The following CUX2 variants were observed in gnomAD, a reference collection of about 807,000 sequenced individuals.
CUX2 encodes the protein homeobox protein cut-like 2.
A neutral mutation model predicts 144.8 loss-of-function variants in CUX2; 40 were observed. The observed-to-expected ratio is 0.28, with a 90% CI of 0.21 to 0.36. The LOEUF (loss-of-function observed/expected upper bound fraction) is 0.36, where lower values mean the gene tolerates loss of function less well. Ranked by LOEUF, CUX2 falls within the 10% of genes least tolerant of loss-of-function variation. CUX2 has a pLI of 1.00. For synonymous variants in CUX2, 827 were observed against 875.6 expected (o/e 0.94, Z 0.98); for missense variants, 1,615 against 1,994.0 (o/e 0.81, Z 3.62).
intron 1 of CUX2, among the ~76,000 whole-genome samples, chr12:111,088,421 A>G (rs76477475): frequency 0.019 from 2,901 of 152,266 alleles, 93 homozygotes; most frequent in African/African-American, 0.066. Flanking sequence ...CATGTGAATC[A>G]GCAATTATCT....
At chr12:111,199,809 ATGGATC>A (rs1245777088) in intron 1 of CUX2, among the ~76,000 whole-genome samples, 1 of 150,276 alleles carries the variant, frequency 6.7e-6, no homozygotes, top group Non-Finnish European at 1.5e-5. Context: ...TGTTACATGT[ATGGATC>A]TCTGTGTGTC....
rs1414374789 is a variant in CUX2, at chr12:111,160,639, G to T, written c.64-53561G>T. ...CTGGGTTTTTGTCTCCATGTCCAGG[G>T]AGCCAATGGAGGGCTATGCAGAGGA... is the stretch of plus-strand genomic sequence containing the variant. On this transcript the variant is annotated intron_variant, in intron 1 of 21. Coordinates refer to ENST00000261726, the MANE Select transcript of CUX2 (RefSeq NM_015267.4). This position sits in a 1 kb window ranked among gnomAD's most constrained non-coding sequence, Gnocchi z 4.1. 6.6e-6 allele frequency among the ~76,000 whole-genome samples: 1 copy of T among 152,152 alleles called. No individual in the cohort carries two copies. Among genetic ancestry groups the T allele is most frequent in the African/African-American group, 2.4e-5 (1 of 41,428 alleles).
At chr12:111,192,543 G>A (rs1191639424) in intron 1 of CUX2, among the ~76,000 whole-genome samples, 1 of 152,044 alleles carries the variant, frequency 6.6e-6, no homozygotes, top group African/African-American at 2.4e-5. Context: ...ATCTTCATCA[G>A]GTGTGGCTGC....
At chr12:111,128,357 C>T (rs945164091) in intron 1 of CUX2, among the ~76,000 whole-genome samples, 2 of 152,166 alleles carry the variant, frequency 1.3e-5, no homozygotes, top group African/African-American at 4.8e-5. Context: ...GGAGAACCAT[C>T]TGTAAACCAG....
At chr12:111,284,611 G>A (rs780306530) in intron 4 of CUX2, among the ~76,000 whole-genome samples, 15 of 152,262 alleles carry the variant, frequency 9.9e-5, no homozygotes, top group South Asian at 2.1e-4. Flanking sequence ...TTTACAGAAG[G>A]GAAAACTGAA....
At chr12:111,140,547 C>T (rs1876243880) in intron 1 of CUX2, among the ~76,000 whole-genome samples, 1 of 152,298 alleles carries the variant, frequency 6.6e-6, no homozygotes, top group African/African-American at 2.4e-5. Context: ...CTGGGTGCAT[C>T]CTCCTCTTTT....
At chr12:111,112,056 C>T (rs1172945338) in intron 1 of CUX2, among the ~76,000 whole-genome samples, 2 of 151,964 alleles carry the variant, frequency 1.3e-5, no homozygotes, top group Non-Finnish European at 2.9e-5. Flanking sequence ...GAGGCCTGGG[C>T]GGGATATTCT....
In CUX2 at chr12:111,295,800, G is replaced by T. The variant is rs1390859095; in HGVS notation, c.637+391G>T. On this transcript the variant is annotated intron_variant, in intron 7 of 21. Coordinates refer to ENST00000261726, the MANE Select transcript of CUX2 (RefSeq NM_015267.4). The surrounding 1 kb of genome is among the most constrained non-coding windows in gnomAD (Gnocchi z 5.0). ...TTAATTTAATACAACCCCTGCAGGG[G>T]CCAAAACGCTACCAAGCCACCGACT... Among the ~76,000 whole-genome samples, 1 of 149,638 alleles carries T rather than the reference G, an allele frequency of 6.7e-6. No individual in the cohort carries two copies. The highest frequency in any genetic ancestry group is 1.5e-5 in the Non-Finnish European group (1 of 67,974).
rs1405138576 is a variant in CUX2, at chr12:111,095,481, G to C, written c.63+61241G>C. Among the ~76,000 whole-genome samples, 3 of 151,908 alleles carry C rather than the reference G, an allele frequency of 2.0e-5. No homozygotes were observed. The East Asian group carries it at 5.8e-4, about 29-fold the overall frequency. The stretch of plus-strand genomic sequence containing the variant: ...CTCAAAGAAAAAAAAATGGATGAAG[G>C]TTAGATACTCTTGGTATCAAATTCC... On this transcript the variant is annotated intron_variant, in intron 1 of 21. Coordinates refer to ENST00000261726, the MANE Select transcript of CUX2 (RefSeq NM_015267.4).
intron 1 of CUX2, among the ~76,000 whole-genome samples, chr12:111,074,110 C>T (rs1446089762): frequency 6.6e-6 from 1 of 151,194 alleles, no homozygotes; most frequent in East Asian, 1.9e-4. Context: ...TGAAATGTGT[C>T]TGGGTGTCCT....
At chr12:111,264,170 CCAGTGCTCTCTGCCTG>C (rs1198339497) in intron 4 of CUX2, among the ~76,000 whole-genome samples, 1 of 152,180 alleles carries the variant, frequency 6.6e-6, no homozygotes, top group Non-Finnish European at 1.5e-5. Flanking sequence ...CTGAGGGCAC[CCAGTGCTCTCTGCCTG>C]CAGGTGGCAA....
At chr12:111,288,072 C>T (rs1256770156) in intron 4 of CUX2, among the ~76,000 whole-genome samples, 2 of 152,096 alleles carry the variant, frequency 1.3e-5, no homozygotes, top group African/African-American at 2.4e-5. Context: ...AAGGTGTAGG[C>T]AGTTCATATC....
chr12:111,076,921 A>G (rs1477316410), intron 1 of CUX2, among the ~76,000 whole-genome samples: 1 of 152,142 alleles, frequency 6.6e-6, no homozygotes, highest in African/African-American at 2.4e-5. Context: ...GCTTTAATTC[A>G]AGGTCAAAGA....
At chr12:111,299,988 C>T (rs1886210442) in intron 9 of CUX2, among the ~76,000 whole-genome samples, 2 of 152,342 alleles carry the variant, frequency 1.3e-5, no homozygotes, top group East Asian at 1.9e-4. Flanking sequence ...AGGTGATCCT[C>T]CCACCTCAGC....
At chr12:111,301,848 G>T (rs910932946) in intron 9 of CUX2, among the ~76,000 whole-genome samples, 1 of 152,218 alleles carries the variant, frequency 6.6e-6, no homozygotes, top group Non-Finnish European at 1.5e-5. Context: ...CATGATGTGG[G>T]TCTCACCCAC....
chr12:111,098,314 C>G (rs2136063946), intron 1 of CUX2, among the ~76,000 whole-genome samples: 1 of 151,890 alleles, frequency 6.6e-6, no homozygotes, highest in South Asian at 2.1e-4. Context: ...GCAGGAGAAT[C>G]ACTTGAACCT....
In CUX2 at chr12:111,062,998, G is replaced by A. The variant is rs76150613; in HGVS notation, c.63+28758G>A. ...GAGGCTTGTAGGCCCTGCTGAGGTC[G>A]TTATCATGAATGGGAGGGGACGAAA... On this transcript the variant is annotated intron_variant, in intron 1 of 21. Transcript: ENST00000261726. 1.7e-3 allele frequency among the ~76,000 whole-genome samples: 265 copies of A among 152,246 alleles called. 1 individual carries two copies. The highest frequency in any genetic ancestry group is 5.9e-3 in the African/African-American group (247 of 41,548).
In CUX2 at chr12:111,035,061, A is replaced by G. The variant is rs1869362081; in HGVS notation, c.63+821A>G. Among the ~76,000 whole-genome samples, 1 of 151,976 alleles carries G rather than the reference A, an allele frequency of 6.6e-6. No individual in the cohort carries two copies. The highest frequency in any genetic ancestry group is 2.4e-5 in the African/African-American group (1 of 41,378). ...CTCGCAAGTTTGCGCTCCTGCCTCCAGGGCGGTGGAGAGCCGGGAGCGGCG... is the reference window on the plus strand; with the variant it reads ...CTCGCAAGTTTGCGCTCCTGCCTCCGGGGCGGTGGAGAGCCGGGAGCGGCG... On this transcript the variant is annotated intron_variant, in intron 1 of 21. Coordinates refer to ENST00000261726, the MANE Select transcript of CUX2 (RefSeq NM_015267.4). The surrounding 1 kb of genome is among the most constrained non-coding windows in gnomAD (Gnocchi z 6.0).
At chr12:111,154,776 G>A (rs1050846370) in intron 1 of CUX2, among the ~76,000 whole-genome samples, 8 of 152,236 alleles carry the variant, frequency 5.3e-5, no homozygotes, top group Middle Eastern at 3.4e-3. Context: ...GTGGACTCCC[G>A]GGTCAGAAGT....
Sources: allele counts gnomAD v4.1 joint callset (sites outside exome capture counted in the v4.1 genomes callset), GRCh38; gene constraint gnomAD v4.1.1; non-coding constraint Gnocchi (gnomAD v3.1); transcripts MANE v1.5; gene names NCBI Gene and HGNC (gene_info 2026-07-23, HGNC 2026-07-21).